The following FRMPD1 variants were observed in gnomAD, a reference collection of about 807,000 sequenced individuals.
The protein encoded by FRMPD1 is FERM and PDZ domain containing 1.
A neutral mutation model predicts 117.8 loss-of-function variants in FRMPD1; 76 were observed. The observed-to-expected ratio is 0.65, with a 90% CI of 0.54 to 0.78. The LOEUF (loss-of-function observed/expected upper bound fraction) is 0.78. Among genes scored for constraint, FRMPD1 ranks in the 30% least tolerant of loss-of-function variants. The pLI, the probability that FRMPD1 is intolerant of heterozygous loss-of-function variation, is 0.00. For missense variants in FRMPD1, 1,786 were observed against 1,964.5 expected, an observed-to-expected ratio of 0.91 and a Z score of 1.72; for synonymous variants, 783 against 770.4, an observed-to-expected ratio of 1.02 and a Z score of -0.27.
At chr9:37,706,931 A>G (rs1563940918) in intron 2 of FRMPD1, among the ~76,000 whole-genome samples, 1 of 144,312 alleles carries the variant, frequency 6.9e-6, no homozygotes, top group Admixed American at 7.0e-5. Context: ...TTCTTCTGTC[A>G]GTCCGTCCAT....
chr9:37,726,464 G>A (rs1188670491), intron 7 of FRMPD1, among the ~76,000 whole-genome samples: 1 of 152,160 alleles, frequency 6.6e-6, no homozygotes, highest in Non-Finnish European at 1.5e-5. Flanking sequence ...TTAGGAGGCC[G>A]AAGTGGGTGG....
In FRMPD1 at chr9:37,719,061, T is replaced by C. The variant is rs1451149644; in HGVS notation, c.409-8T>C. 2.6e-6 allele frequency: 4 copies of C among 1,561,042 alleles called. No individual in the cohort carries two copies. ...TGTTCCAAAATGCATCATGTTACTGTTTTTCAGGGAGTCCCTAAATCGTCC... is the reference window on the plus strand; with the variant it reads ...TGTTCCAAAATGCATCATGTTACTGCTTTTCAGGGAGTCCCTAAATCGTCC... On this transcript the variant is annotated splice_polypyrimidine_tract_variant and splice_region_variant and intron_variant, in intron 5 of 15. Coordinates refer to ENST00000377765, the MANE Select transcript of FRMPD1 (RefSeq NM_014907.3).
chr9:37,636,670 C>T, the FRMPD1 span: 1 of 1,510,342 alleles, frequency 6.6e-7, no homozygotes, highest in Admixed American at 2.5e-5. Flanking sequence ...CCCCTCCTGT[C>T]CCACTCCAGT....
At chr9:37,679,836 T>A (rs1358970508) in intron 1 of FRMPD1, among the ~76,000 whole-genome samples, 1 of 152,164 alleles carries the variant, frequency 6.6e-6, no homozygotes, top group Non-Finnish European at 1.5e-5. Flanking sequence ...AGACAAGGGG[T>A]TCAGCAGCCG....
the FRMPD1 span, among the ~76,000 whole-genome samples, chr9:37,645,100 GAA>G: frequency 2.5e-5 from 3 of 119,586 alleles, no homozygotes. Flanking sequence ...TGAGCCAGCA[GAA>G]AAAAAAAAAA....
chr9:37,620,518 A>T, the FRMPD1 span, among the ~76,000 whole-genome samples: 22,475 of 120,652 alleles, frequency 0.19, 2,060 homozygotes, highest in Admixed American at 0.23. Flanking sequence ...ATCATGATTT[A>T]AAAAAAAAAA....
chr9:37,620,299 C>G, the FRMPD1 span, among the ~76,000 whole-genome samples: 1 of 152,100 alleles, frequency 6.6e-6, no homozygotes, highest in African/African-American at 2.4e-5. Flanking sequence ...TGCTGAGAAC[C>G]AAAAATAATG....
intron 1 of FRMPD1, among the ~76,000 whole-genome samples, chr9:37,657,599 G>A (rs1398139702): frequency 6.6e-6 from 1 of 152,170 alleles, no homozygotes; most frequent in Admixed American, 6.5e-5. Context: ...TCCCTGGGGT[G>A]AGGGACATTT....
chr9:37,673,413 C>T (rs1821421983), intron 1 of FRMPD1, among the ~76,000 whole-genome samples: 1 of 152,224 alleles, frequency 6.6e-6, no homozygotes, highest in Non-Finnish European at 1.5e-5. Flanking sequence ...GGTACAGCCT[C>T]CCTCCCAGCT....
At chr9:37,718,397 C>T (rs754188926) in intron 5 of FRMPD1, among the ~76,000 whole-genome samples, 17 of 152,340 alleles carry the variant, frequency 1.1e-4, no homozygotes, top group Admixed American at 6.5e-4. Context: ...AGGAAGGTCA[C>T]AGCCTGTTGG....
At chr9:37,652,125 C>A (rs1820692769) in intron 1 of FRMPD1, among the ~76,000 whole-genome samples, 1 of 151,962 alleles carries the variant, frequency 6.6e-6, no homozygotes, top group African/African-American at 2.4e-5. Context: ...GTTTGTGAGT[C>A]GGTTATTTTT....
intron 1 of FRMPD1, among the ~76,000 whole-genome samples, chr9:37,676,870 A>G (rs1430044657): frequency 1.3e-5 from 2 of 152,092 alleles, no homozygotes; most frequent in South Asian, 4.1e-4. Context: ...TCTGCCTTAT[A>G]TTGGTTAGGA....
chr9:37,630,973 T>G, the FRMPD1 span, among the ~76,000 whole-genome samples: 16 of 152,342 alleles, frequency 1.1e-4, no homozygotes, highest in African/African-American at 3.1e-4. Context: ...GAGCACACAT[T>G]CTAGTGACAC....
At position 37,737,160 on chromosome 9, in the gene FRMPD1, A is replaced by G. The variant is rs1275841914; in HGVS notation, c.1466A>G (p.Tyr489Cys). 6.2e-7 allele frequency: 1 copy of G among 1,612,476 alleles called. No individual in the cohort carries two copies. The highest frequency in any genetic ancestry group is 8.5e-7 in the Non-Finnish European group (1 of 1,178,498). Residue 489 changes from tyrosine (Y) to cysteine (C), a missense_variant, in exon 14 of 16, where the codon TAC becomes TGC. Coordinates refer to ENST00000377765, the MANE Select transcript of FRMPD1 (RefSeq NM_014907.3). ...CTAGCCTGCCTGATTGCTGGGTACTACAGGCTGTTGGTTGACCCAGTTACC... is the reference window on the plus strand; with the variant it reads ...CTAGCCTGCCTGATTGCTGGGTACTGCAGGCTGTTGGTTGACCCAGTTACC... ...KDLACLIAGY[Y>C]RLLVDPVTSI...
intron 2 of FRMPD1, among the ~76,000 whole-genome samples, chr9:37,693,707 C>G (rs544939421): frequency 6.6e-6 from 1 of 152,216 alleles, no homozygotes; most frequent in African/African-American, 2.4e-5. Context: ...AGCTATTTGT[C>G]TTACTACTCT....
intron 2 of FRMPD1, among the ~76,000 whole-genome samples, chr9:37,701,862 T>C (rs1822545717): frequency 6.6e-6 from 1 of 152,136 alleles, no homozygotes; most frequent in Non-Finnish European, 1.5e-5. Context: ...AACCTGTCAG[T>C]AGGGCTGGTG....
intron 1 of FRMPD1, among the ~76,000 whole-genome samples, chr9:37,688,792 TAAG>T (rs1258084938): frequency 6.6e-6 from 1 of 152,098 alleles, no homozygotes; most frequent in Non-Finnish European, 1.5e-5. Context: ...TAATTTTAAT[TAAG>T]AAACATCTAT....
upstream of FRMPD1, among the ~76,000 whole-genome samples, chr9:37,648,083 A>C (rs149166814): frequency 4.6e-5 from 7 of 152,290 alleles, no homozygotes; most frequent in Non-Finnish European, 8.8e-5. Context: ...GCAAGTAATG[A>C]ATGCTGTTTC....
the FRMPD1 span, among the ~76,000 whole-genome samples, chr9:37,642,282 G>C: frequency 6.6e-6 from 1 of 152,118 alleles, no homozygotes; most frequent in African/African-American, 2.4e-5. Flanking sequence ...GAGTTTTTGT[G>C]TTAGTATATT....
Sources: allele counts gnomAD v4.1 joint callset (sites outside exome capture counted in the v4.1 genomes callset), GRCh38; gene constraint gnomAD v4.1.1; transcripts MANE v1.5; gene names NCBI Gene and HGNC (gene_info 2026-07-23, HGNC 2026-07-21).